ANO3: variants seen among roughly 807,000 people sequenced by gnomAD.
The protein encoded by ANO3 is anoctamin-3.
In ANO3, 99 loss-of-function variants were observed where a neutral mutation model predicts 144.8. The observed-to-expected ratio is 0.68, with a 90% CI of 0.58 to 0.81. The LOEUF is 0.81. Ranked by LOEUF, ANO3 falls within the 30% of genes least tolerant of loss-of-function variation. ANO3 has a pLI of 0.00. For missense variants in ANO3, 905 were observed against 1,202.2 expected (o/e 0.75, Z 3.66); for synonymous variants, 414 against 392.6 (o/e 1.05, Z -0.64).
chr11:26,587,527 G>A (rs1851320397), intron 14 of ANO3, among the ~76,000 whole-genome samples: 1 of 152,130 alleles, frequency 6.6e-6, no homozygotes. Flanking sequence ...AATCCAAGCT[G>A]GTTGCCTGTG....
At chr11:26,656,051 G>A in intron 24 of ANO3, 74 bp from the exon 25 acceptor site, 1 of 1,182,672 alleles carries the variant, frequency 8.5e-7, no homozygotes, top group Non-Finnish European at 1.2e-6. Flanking sequence ...GTAAAATCCT[G>A]GCATTTGTAA....
At chr11:26,188,935 A>G (rs1367956883) in exon 1 of ANO3, among the ~76,000 whole-genome samples, 2 of 152,186 alleles carry the variant, frequency 1.3e-5, no homozygotes, top group African/African-American at 4.8e-5. Flanking sequence ...ATCTTCAAGA[A>G]AAAAGACTCT....
upstream of ANO3, among the ~76,000 whole-genome samples, chr11:26,304,590 TAGTACAGCCATTTGATA>T (rs1854325846): frequency 6.6e-6 from 1 of 152,178 alleles, no homozygotes; most frequent in African/African-American, 2.4e-5. Context: ...AAATAAGTCA[TAGTACAGCCATTTGATA>T]ACTTATTTTT....
At chr11:26,565,592 A>C (rs1298642173) in intron 14 of ANO3, 4 of 1,613,198 alleles carry the variant, frequency 2.5e-6, no homozygotes, top group Non-Finnish European at 3.4e-6. Context: ...CTGATGAGTT[A>C]CTGGAGAAAT....
intron 20 of ANO3, among the ~76,000 whole-genome samples, chr11:26,636,612 G>A (rs1037277550): frequency 6.6e-6 from 1 of 152,192 alleles, no homozygotes; most frequent in Non-Finnish European, 1.5e-5. Context: ...AATTGCAAAT[G>A]TAATTTCCCT....
At chr11:26,587,405 C>G (rs1231198790) in intron 14 of ANO3, among the ~76,000 whole-genome samples, 1 of 152,208 alleles carries the variant, frequency 6.6e-6, no homozygotes, top group Non-Finnish European at 1.5e-5. Context: ...TCTGCTTCAT[C>G]TGTTTGCTTA....
chr11:26,230,857 A>G (rs1356482003), intron 1 of ANO3, among the ~76,000 whole-genome samples: 4 of 142,892 alleles, frequency 2.8e-5, no homozygotes, highest in Non-Finnish European at 6.1e-5. Context: ...TTTTACAAAA[A>G]GTTTTCTGGT....
At chr11:26,349,902 T>A (rs1359011798) in intron 1 of ANO3, among the ~76,000 whole-genome samples, 3 of 152,016 alleles carry the variant, frequency 2.0e-5, no homozygotes, top group Non-Finnish European at 4.4e-5. Context: ...TTCCATAGTG[T>A]TAGGAAGAGC....
intron 4 of ANO3, among the ~76,000 whole-genome samples, chr11:26,487,758 C>G (rs117248818): frequency 0.022 from 3,383 of 152,288 alleles, 63 homozygotes; most frequent in Non-Finnish European, 0.036. Context: ...CATTTCACCC[C>G]TGCCCTAGAG....
At chr11:26,343,605 G>A (rs1194141422) in intron 1 of ANO3, among the ~76,000 whole-genome samples, 1 of 152,134 alleles carries the variant, frequency 6.6e-6, no homozygotes, top group Admixed American at 6.6e-5. Flanking sequence ...CTTGCCTGAA[G>A]TTACTTTTAG....
At chr11:26,382,354 A>G (rs1336907933) in intron 1 of ANO3, among the ~76,000 whole-genome samples, 1 of 152,180 alleles carries the variant, frequency 6.6e-6, no homozygotes, top group Non-Finnish European at 1.5e-5. Context: ...AGCCTGATAT[A>G]CTTCCCAGTT....
At chr11:26,329,315 CACACACACACACAGAGAGAG>C (rs1388476278), upstream of ANO3, among the ~76,000 whole-genome samples, 1 of 83,282 alleles carries the variant, frequency 1.2e-5, no homozygotes, top group African/African-American at 2.7e-5. Flanking sequence ...CACACACACA[CACACACACACACAGAGAGAG>C]AGAGAGAGAG....
intron 1 of ANO3, among the ~76,000 whole-genome samples, chr11:26,276,236 G>A (rs769112044): frequency 7.2e-5 from 11 of 152,140 alleles, no homozygotes; most frequent in Admixed American, 2.0e-4. Context: ...TTGCATATGA[G>A]AAGAGTCACC....
chr11:26,559,958 T>C, intron 14 of ANO3, 179 bp downstream of exon 14: 1 of 488,670 alleles, frequency 2.0e-6, no homozygotes, highest in Non-Finnish European at 3.7e-6. Flanking sequence ...TCTTTAGGAA[T>C]TTAACTCTTG....
At chr11:26,462,246 G>A (rs1337705971) in intron 3 of ANO3, among the ~76,000 whole-genome samples, 7 of 151,822 alleles carry the variant, frequency 4.6e-5, no homozygotes, top group Non-Finnish European at 1.0e-4. Context: ...AAGATGTTTT[G>A]ATATCTTTGA....
intron 18 of ANO3, among the ~76,000 whole-genome samples, chr11:26,627,742 A>G (rs903407574): frequency 6.6e-6 from 1 of 151,860 alleles, no homozygotes; most frequent in African/African-American, 2.4e-5. Context: ...TTGATTCATC[A>G]TTTAACTAAT....
intron 18 of ANO3, 105 bp from the exon 19 acceptor site, chr11:26,634,099 T>G: frequency 2.2e-6 from 1 of 447,672 alleles, no homozygotes; most frequent in South Asian, 4.0e-5. Flanking sequence ...AAAAAAAAAA[T>G]TAAATTAAAA....
chr11:26,392,041 G>A (rs887133682), intron 1 of ANO3, among the ~76,000 whole-genome samples: 6 of 151,998 alleles, frequency 3.9e-5, no homozygotes, highest in African/African-American at 1.4e-4. Context: ...GAACATAAAT[G>A]AAGATGGAGT....
intron 14 of ANO3, among the ~76,000 whole-genome samples, chr11:26,579,154 G>A (rs2132852382): frequency 6.6e-6 from 1 of 152,274 alleles, no homozygotes; most frequent in African/African-American, 2.4e-5. Context: ...CCACTGCTAG[G>A]AAAAGATCCA....
Sources: gnomAD v4.1 joint callset for allele counts (sites outside exome capture counted in the v4.1 genomes callset) on GRCh38, gnomAD v4.1.1 for gene constraint, MANE v1.5 for transcripts, NCBI Gene and HGNC (gene_info 2026-07-23, HGNC 2026-07-21) for gene names.